MACROD2: variants seen among roughly 807,000 people sequenced by gnomAD.
MACROD2 encodes mono-ADP ribosylhydrolase 2, also known as ADP-ribose glycohydrolase MACROD2.
A neutral mutation model predicts 70.4 loss-of-function variants in MACROD2; 36 were observed. That is an observed-to-expected ratio of 0.51 (90% CI 0.39 to 0.68). The LOEUF (loss-of-function observed/expected upper bound fraction) is 0.68. Ranked by LOEUF, MACROD2 falls within the 30% of genes least tolerant of loss-of-function variation. MACROD2 has a pLI of 0.00. For synonymous variants in MACROD2, 172 were observed against 178.8 expected, an observed-to-expected ratio of 0.96 and a Z score of 0.30; for missense variants, 496 against 538.4, an observed-to-expected ratio of 0.92 and a Z score of 0.78.
intron 6 of MACROD2, among the ~76,000 whole-genome samples, chr20:15,252,967 T>C (rs2077168759): frequency 6.6e-6 from 1 of 152,200 alleles, no homozygotes; most frequent in Non-Finnish European, 1.5e-5. Flanking sequence ...CATCTGTTAA[T>C]GTATGCTGTA....
At chr20:15,573,853 C>T (rs1005136894) in intron 8 of MACROD2, among the ~76,000 whole-genome samples, 1 of 152,118 alleles carries the variant, frequency 6.6e-6, no homozygotes, top group African/African-American at 2.4e-5. Context: ...ATTGTATTGA[C>T]AGGCATCTGT....
intron 8 of MACROD2, among the ~76,000 whole-genome samples, chr20:15,806,834 A>G (rs944915765): frequency 1.2e-4 from 19 of 152,218 alleles, no homozygotes; most frequent in Non-Finnish European, 1.6e-4. Flanking sequence ...TAATTCGGCC[A>G]TGTGGATAAG....
chr20:15,939,178 T>C (rs554808123), intron 12 of MACROD2, among the ~76,000 whole-genome samples: 95 of 152,334 alleles, frequency 6.2e-4, no homozygotes, highest in Non-Finnish European at 1.1e-3. Flanking sequence ...CTAAAATCAC[T>C]GATCAAGGTG....
intron 3 of MACROD2, among the ~76,000 whole-genome samples, chr20:14,415,973 T>A (rs2083799576): frequency 6.6e-6 from 1 of 151,826 alleles, no homozygotes; most frequent in Non-Finnish European, 1.5e-5. Flanking sequence ...TTTTTTTTTT[T>A]TTTTAAGACT....
chr20:15,417,947 C>T (rs2046177818), intron 6 of MACROD2, among the ~76,000 whole-genome samples: 1 of 152,166 alleles, frequency 6.6e-6, no homozygotes, highest in South Asian at 2.1e-4. Context: ...TCATCTCTAA[C>T]CAGTTCTTTC....
At chr20:14,356,286 C>A (rs1043644101) in intron 3 of MACROD2, among the ~76,000 whole-genome samples, 1 of 152,054 alleles carries the variant, frequency 6.6e-6, no homozygotes, top group Non-Finnish European at 1.5e-5. Context: ...CACATAATAA[C>A]CTCTTACTAT....
At chr20:15,011,350 G>C (rs1279235401) in intron 5 of MACROD2, among the ~76,000 whole-genome samples, 1 of 152,096 alleles carries the variant, frequency 6.6e-6, no homozygotes. Context: ...GAGAGAGAGA[G>C]TGAGAGAAGG....
At position 15,423,086 on chromosome 20, in the gene MACROD2, T is replaced by A. The variant is rs541103113; in HGVS notation, c.541-8319T>A. On this transcript the variant is annotated intron_variant, in intron 6 of 17. Coordinates refer to ENST00000684519, the MANE Select transcript of MACROD2 (RefSeq NM_001351661.2). ...CTTGTTATGATAGATTATAATAACT[T>A]ATAGTTTTAGCATAGTTATATCATT... Among the ~76,000 whole-genome samples, 17 of 134,182 alleles carry A rather than the reference T, an allele frequency of 1.3e-4. No individual in the cohort carries two copies. In the East Asian group the frequency reaches 3.5e-3, roughly 27 times the overall value. 88.0% of individuals were successfully genotyped at this position (134,182 alleles called of 152,430 possible). A position where few individuals can be genotyped will look rare whatever the true frequency, so the allele number is the denominator to read the frequency against.
At chr20:14,730,588 T>A (rs572433155) in intron 5 of MACROD2, among the ~76,000 whole-genome samples, 1 of 152,182 alleles carries the variant, frequency 6.6e-6, no homozygotes, top group South Asian at 2.1e-4. Context: ...AACAAAGAAT[T>A]TGCTAGCAAC....
At chr20:14,990,706 G>T (rs1006238046) in intron 5 of MACROD2, among the ~76,000 whole-genome samples, 250 of 151,856 alleles carry the variant, frequency 1.6e-3, no homozygotes, top group Middle Eastern at 3.4e-3. Context: ...TAGAGGCGGG[G>T]TTTCACCATA....
chr20:15,415,990 T>A (rs2046142698), intron 6 of MACROD2, among the ~76,000 whole-genome samples: 1 of 152,196 alleles, frequency 6.6e-6, no homozygotes, highest in Admixed American at 6.5e-5. Context: ...CTAGAGCATT[T>A]ATTTAGTGAA....
chr20:14,017,026 A>G (rs1459068260), intron 2 of MACROD2, among the ~76,000 whole-genome samples: 3 of 152,160 alleles, frequency 2.0e-5, no homozygotes, highest in East Asian at 1.9e-4. Context: ...TTCTTTTAGC[A>G]CTGTTTTGTA....
chr20:14,913,286 G>A (rs912528280), intron 5 of MACROD2, among the ~76,000 whole-genome samples: 1 of 152,140 alleles, frequency 6.6e-6, no homozygotes, highest in African/African-American at 2.4e-5. Context: ...TAGGCTTTTA[G>A]TTACTATGGA....
At chr20:14,417,041 A>G (rs1470834537) in intron 3 of MACROD2, among the ~76,000 whole-genome samples, 1 of 133,490 alleles carries the variant, frequency 7.5e-6, no homozygotes, top group Non-Finnish European at 1.7e-5. Flanking sequence ...CTATATATCT[A>G]TCTATTATCT....
chr20:15,749,949 A>G (rs898114943), intron 8 of MACROD2, among the ~76,000 whole-genome samples: 1 of 152,130 alleles, frequency 6.6e-6, no homozygotes, highest in African/African-American at 2.4e-5. Flanking sequence ...CTGGGCAAGG[A>G]CTTTTAAAAT....
chr20:15,638,796 T>G (rs1254031615), intron 8 of MACROD2, among the ~76,000 whole-genome samples: 1 of 152,172 alleles, frequency 6.6e-6, no homozygotes, highest in African/African-American at 2.4e-5. Context: ...GGTGGTTAAC[T>G]TTTCACGGTT....
rs911249846 is a variant in MACROD2 at position 15,065,047 on chromosome 20, C to T, written c.419-164893C>T. ...TGGTAAACGGAAAAAAAAAGATTCT[C>T]TGTTTTCCTCATTTCTATGCATGAT... On this transcript the variant is annotated intron_variant, in intron 5 of 17. Coordinates refer to ENST00000684519, the MANE Select transcript of MACROD2 (RefSeq NM_001351661.2). 3.3e-5 allele frequency among the ~76,000 whole-genome samples: 5 copies of T among 152,278 alleles called. No individual in the cohort carries two copies. In the South Asian group the frequency reaches 1.0e-3, roughly 32 times the overall value.
chr20:15,133,477 C>A (rs1446134673), intron 5 of MACROD2, among the ~76,000 whole-genome samples: 1 of 151,958 alleles, frequency 6.6e-6, no homozygotes, highest in Admixed American at 6.6e-5. Flanking sequence ...TAGGGAAAAT[C>A]TAATATTTAT....
At chr20:15,838,317 T>C (rs1261331254) in intron 8 of MACROD2, among the ~76,000 whole-genome samples, 1 of 152,172 alleles carries the variant, frequency 6.6e-6, no homozygotes, top group Non-Finnish European at 1.5e-5. Context: ...AGGAAGTTGC[T>C]TTTATCCTAA....
Sources: allele counts gnomAD v4.1 joint callset (sites outside exome capture counted in the v4.1 genomes callset), GRCh38; gene constraint gnomAD v4.1.1; transcripts MANE v1.5; gene names NCBI Gene and HGNC (gene_info 2026-07-23, HGNC 2026-07-21).